ZDHHC21: variants seen among roughly 807,000 people sequenced by gnomAD.
ZDHHC21 encodes the protein palmitoyltransferase ZDHHC21.
Under a neutral mutation model 34.6 loss-of-function variants are expected in ZDHHC21, and 15 were observed. The observed-to-expected ratio is 0.43, with a 90% CI of 0.29 to 0.67. ZDHHC21 has a LOEUF of 0.67. ZDHHC21 is among the 30% of genes least tolerant of loss of function. ZDHHC21 has a pLI of 0.14. For missense variants in ZDHHC21, 344 were observed against 327.7 expected, an observed-to-expected ratio of 1.05 and a Z score of -0.38; for synonymous variants, 142 against 101.8, an observed-to-expected ratio of 1.40 and a Z score of -2.38.
intron 8 of ZDHHC21, among the ~76,000 whole-genome samples, chr9:14,631,774 GGC>G (rs1417510054): frequency 6.6e-6 from 1 of 152,118 alleles, no homozygotes; most frequent in Non-Finnish European, 1.5e-5. Flanking sequence ...ATAGAGGAAT[GGC>G]CAGTGAATGC....
At chr9:14,598,308 G>A in the ZDHHC21 span, among the ~76,000 whole-genome samples, 2 of 152,104 alleles carry the variant, frequency 1.3e-5, no homozygotes, top group African/African-American at 4.8e-5. Context: ...AACAACCATA[G>A]CCTAAGCCAC....
chr9:14,623,121 T>A (rs1825588175), intron 8 of ZDHHC21, among the ~76,000 whole-genome samples: 1 of 151,240 alleles, frequency 6.6e-6, no homozygotes. Context: ...TGGATAAGGA[T>A]TTTTTAGGTA....
chr9:14,640,418 A>C (rs569375329), intron 7 of ZDHHC21, among the ~76,000 whole-genome samples: 2 of 152,096 alleles, frequency 1.3e-5, no homozygotes, highest in African/African-American at 2.4e-5. Flanking sequence ...TTCTCTGCTA[A>C]AAAGTTTGAA....
At chr9:14,664,024 A>G (rs537682221) in intron 5 of ZDHHC21, among the ~76,000 whole-genome samples, 4 of 152,306 alleles carry the variant, frequency 2.6e-5, no homozygotes, top group African/African-American at 9.6e-5. Context: ...GCCGAATAGG[A>G]ACAGCTCCGG....
At chr9:14,639,374 C>A (rs1026272056) in intron 8 of ZDHHC21, among the ~76,000 whole-genome samples, 1 of 151,772 alleles carries the variant, frequency 6.6e-6, no homozygotes, top group Non-Finnish European at 1.5e-5. Flanking sequence ...ATGGGTGGAG[C>A]GGGGGACGAA....
At chr9:14,688,200 G>T (rs1838639321) in intron 2 of ZDHHC21, among the ~76,000 whole-genome samples, 1 of 150,836 alleles carries the variant, frequency 6.6e-6, no homozygotes, top group African/African-American at 2.5e-5. Flanking sequence ...TTCTTTTCAA[G>T]CTTCAGTTTG....
intron 5 of ZDHHC21, among the ~76,000 whole-genome samples, chr9:14,669,269 C>T (rs1193841296): frequency 2.8e-5 from 4 of 144,944 alleles, no homozygotes; most frequent in South Asian, 4.5e-4. Context: ...TCATCACTGG[C>T]CATCAGAGAA....
chr9:14,687,878 G>A (rs539651322), intron 2 of ZDHHC21, among the ~76,000 whole-genome samples: 1 of 150,804 alleles, frequency 6.6e-6, no homozygotes, highest in Non-Finnish European at 1.5e-5. Flanking sequence ...AAGAGAAAAT[G>A]CTTATTAGAT....
At chr9:14,649,568 C>G (rs759858821) in intron 7 of ZDHHC21, among the ~76,000 whole-genome samples, 13 of 152,050 alleles carry the variant, frequency 8.5e-5, no homozygotes, top group Non-Finnish European at 1.9e-4. Flanking sequence ...CAACCCAACG[C>G]TCAGGTAAAA....
chr9:14,675,444 C>CAT (rs1319060453), intron 3 of ZDHHC21, among the ~76,000 whole-genome samples: 1 of 151,872 alleles, frequency 6.6e-6, no homozygotes, highest in East Asian at 1.9e-4. Flanking sequence ...TCTACTGAAT[C>CAT]ATAATTCTTC....
In ZDHHC21 at chr9:14,632,064, A is replaced by ACACACAC. The variant is rs1554757642; in HGVS notation, c.621+7831_621+7832insGTGTGTG. 3.5e-3 allele frequency among the ~76,000 whole-genome samples: 467 copies of ACACACAC among 135,166 alleles called. 4 individuals carry two copies. Among genetic ancestry groups the ACACACAC allele is most frequent in the African/African-American group, 0.012 (438 of 35,404 alleles). The allele number at this position is 135,166 out of a possible 152,430, so 88.7% of individuals were successfully genotyped here. A position where few individuals can be genotyped will look rare whatever the true frequency, so the allele number is the denominator to read the frequency against. ...CCTTCAACTAGTTAAAACACACACA[A>ACACACAC]ACACACACACACACACACACACACA... On this transcript the variant is annotated intron_variant, in intron 8 of 9. Transcript: ENST00000380916.
Position 14,693,291 on chromosome 9 carries a change from C to T in ZDHHC21, c.-287G>A, listed in dbSNP as rs1315972620. 2.4e-6 allele frequency: 1 copy of T among 419,342 alleles called. No individual in the cohort carries two copies. Among genetic ancestry groups the T allele is most frequent in the Admixed American group, 2.6e-5 (1 of 38,324 alleles). 26.0% of individuals were successfully genotyped at this position (419,342 alleles called of 1,614,324 possible). A position where few individuals can be genotyped will look rare whatever the true frequency, so the allele number is the denominator to read the frequency against. On this transcript the variant is annotated 5_prime_UTR_variant, in exon 1 of 10. Transcript: ENST00000380916. Reference sequence around the variant, plus strand: ...CCGACCGCCAGCAGCTCTTTCCCCTCCTCCTGCCGCGCCACCTCCGCCTCC... The same window carrying T: ...CCGACCGCCAGCAGCTCTTTCCCCTTCTCCTGCCGCGCCACCTCCGCCTCC...
intron 8 of ZDHHC21, among the ~76,000 whole-genome samples, chr9:14,622,868 C>T (rs543676929): frequency 1.3e-5 from 2 of 152,176 alleles, no homozygotes; most frequent in South Asian, 4.1e-4. Flanking sequence ...TCATTAGACT[C>T]CTTGAAGACA....
chr9:14,595,140 T>G, the ZDHHC21 span, among the ~76,000 whole-genome samples: 1 of 152,192 alleles, frequency 6.6e-6, no homozygotes, highest in Non-Finnish European at 1.5e-5. Flanking sequence ...AAATTTACCA[T>G]TCAATGCAGA....
In ZDHHC21 at chr9:14,613,102, T is replaced by C. The variant is rs978255027; in HGVS notation, c.*5864A>G. 2.0e-5 allele frequency: 3 copies of C among 151,826 alleles called. No homozygotes were observed. The highest frequency in any genetic ancestry group is 6.6e-5 in the Admixed American group (1 of 15,192). 9.4% of individuals were successfully genotyped at this position (151,826 alleles called of 1,614,324 possible). A position where few individuals can be genotyped will look rare whatever the true frequency, so the allele number is the denominator to read the frequency against. ...ACTACCTTTTAAAGTAGCCAAGCTATATTAAAATACAAAATTAAAATCCAT... is the reference window on the plus strand; with the variant it reads ...ACTACCTTTTAAAGTAGCCAAGCTACATTAAAATACAAAATTAAAATCCAT... On this transcript the variant is annotated 3_prime_UTR_variant, in exon 10 of 10. Transcript: ENST00000380916.
At chr9:14,620,171 A>C (rs1047056301) in intron 8 of ZDHHC21, among the ~76,000 whole-genome samples, 1 of 152,088 alleles carries the variant, frequency 6.6e-6, no homozygotes, top group Non-Finnish European at 1.5e-5. Context: ...GCCATATTAC[A>C]ACATCTATTA....
chr9:14,687,362 A>G (rs1458602754), intron 2 of ZDHHC21, among the ~76,000 whole-genome samples: 1 of 150,726 alleles, frequency 6.6e-6, no homozygotes. Context: ...ATGAAATCTC[A>G]TCTATGTGGT....
In ZDHHC21 at chr9:14,618,897, T is replaced by C. The variant is rs922630752; in HGVS notation, c.*69A>G. 2.1e-5 allele frequency: 31 copies of C among 1,474,436 alleles called. No homozygotes were observed. Among genetic ancestry groups the C allele is most frequent in the Non-Finnish European group, 2.4e-5 (27 of 1,106,508 alleles). The allele number at this position is 1,474,436 out of a possible 1,614,324, so 91.3% of individuals were successfully genotyped here. ...TTAATTGACTTGAAGACTGTCATAG[T>C]TCTATTATCATAAAACCTGTAACGC... On this transcript the variant is annotated 3_prime_UTR_variant, in exon 10 of 10. Coordinates refer to ENST00000380916, the MANE Select transcript of ZDHHC21 (RefSeq NM_178566.6).
chr9:14,589,305 A>C, the ZDHHC21 span: 1 of 152,226 alleles, frequency 6.6e-6, no homozygotes, highest in Non-Finnish European at 1.5e-5. Flanking sequence ...AAAATGTATG[A>C]AACCACCATT....
Sources: gnomAD v4.1 joint callset for allele counts (sites outside exome capture counted in the v4.1 genomes callset) on GRCh38, gnomAD v4.1.1 for gene constraint, MANE v1.5 for transcripts, NCBI Gene and HGNC (gene_info 2026-07-23, HGNC 2026-07-21) for gene names.